SMIM1: variants seen among roughly 807,000 people sequenced by gnomAD.
The protein encoded by SMIM1 is small integral membrane protein 1 (Vel blood group).
A neutral mutation model predicts 7.7 loss-of-function variants in SMIM1; 7 were observed. The observed-to-expected ratio is 0.91, with a 90% CI of 0.52 to 1.71. SMIM1 has a LOEUF of 1.71. Ranked by LOEUF, SMIM1 falls within the 40% of genes most tolerant of loss-of-function variation. The pLI is 0.00. For missense variants in SMIM1, 95 were observed against 102.8 expected (o/e 0.92, Z 0.33); for synonymous variants, 41 against 42.7 (o/e 0.96, Z 0.16).
chr1:3,774,868 C>T (rs1377082868), intron 2 of SMIM1, among the ~76,000 whole-genome samples: 2 of 141,212 alleles, frequency 1.4e-5, no homozygotes, highest in Non-Finnish European at 3.2e-5. Context: ...TGCCCTGCCC[C>T]ACCCCCCCCT....
chr1:3,775,925 C>G lies in SMIM1; in HGVS notation c.*4C>G, dbSNP rs1164897649. 6 of 1,548,526 alleles carry G rather than the reference C, an allele frequency of 3.9e-6. No individual in the cohort carries two copies. In the South Asian group the frequency reaches 7.1e-5, roughly 18 times the overall value. Reference sequence around the variant, plus strand: ...CTATGTGCACAAGTGCAAATAAATGCTGCCCCGCATGCACGCGGGGGGCTG... The same window carrying G: ...CTATGTGCACAAGTGCAAATAAATGGTGCCCCGCATGCACGCGGGGGGCTG... On this transcript the variant is annotated 3_prime_UTR_variant, in exon 4 of 4. Transcript: ENST00000642557. The surrounding 1 kb of genome is among the most constrained non-coding windows in gnomAD (Gnocchi z 5.3).
chr1:3,775,559 C>A lies in SMIM1; in HGVS notation c.110+76C>A. 3 of 1,364,782 alleles carry A rather than the reference C, an allele frequency of 2.2e-6. No homozygotes were observed. The highest frequency in any genetic ancestry group is 3.0e-6 in the Non-Finnish European group (3 of 1,000,730). 84.5% of individuals were successfully genotyped at this position (1,364,782 alleles called of 1,614,324 possible). On this transcript the variant is annotated intron_variant, in intron 3 of 3. Transcript: ENST00000642557. The surrounding 1 kb of genome is among the most constrained non-coding windows in gnomAD (Gnocchi z 5.3). ...CCAGAGACGCCTGCCCTAACCCCTG[C>A]TACCGGCCCCATCACCCTCCACCCC... is the stretch of plus-strand genomic sequence containing the variant.
At position 3,775,172 on chromosome 1, in the gene SMIM1, C is replaced by G. The variant is rs1040876316; in HGVS notation, c.-75-127C>G. On this transcript the variant is annotated intron_variant, in intron 2 of 3. Transcript: ENST00000642557. This position sits in a 1 kb window ranked among gnomAD's most constrained non-coding sequence, Gnocchi z 5.3. Reference sequence around the variant, plus strand: ...GGCAAATGACTCTACCACTTTGTGTCTAGGTCACCTGTTAAGTCAGGCGAC... The same window carrying G: ...GGCAAATGACTCTACCACTTTGTGTGTAGGTCACCTGTTAAGTCAGGCGAC... The G allele has an allele frequency of 1.6e-5, 8 of 512,816 alleles. No individual in the cohort carries two copies. Among genetic ancestry groups the G allele is most frequent in the African/African-American group, 1.5e-4 (8 of 51,982 alleles). 31.8% of individuals were successfully genotyped at this position (512,816 alleles called of 1,614,324 possible).
intron 2 of SMIM1, among the ~76,000 whole-genome samples, chr1:3,773,888 C>T (rs1418678234): frequency 3.9e-5 from 6 of 152,214 alleles, no homozygotes; most frequent in Admixed American, 2.6e-4. Flanking sequence ...CCACATGCTC[C>T]GGGAAAACAG....
rs771635478 is a variant in SMIM1, at chr1:3,775,338, G to A, written c.-36G>A. On this transcript the variant is annotated 5_prime_UTR_variant, in exon 3 of 4. Transcript: ENST00000642557. This position sits in a 1 kb window ranked among gnomAD's most constrained non-coding sequence, Gnocchi z 5.3. ...GGCCACCTGTCTTGATCTCCCCACC[G>A]AGAAGGCCCCGCCCCTCCCGCTGCA... 1.7e-4 allele frequency: 262 copies of A among 1,511,830 alleles called. No individual in the cohort carries two copies. The highest frequency in any genetic ancestry group is 3.0e-4 in the East Asian group (12 of 40,568). The allele number at this position is 1,511,830 out of a possible 1,614,324, so 93.7% of individuals were successfully genotyped here. A position where few individuals can be genotyped will look rare whatever the true frequency, so the allele number is the denominator to read the frequency against.
rs1182690110 is a variant in SMIM1 at position 3,775,836 on chromosome 1, T to A, written c.152T>A (p.Met51Lys). The A allele has an allele frequency of 5.2e-6, 8 of 1,550,838 alleles. No individual in the cohort carries two copies. Among genetic ancestry groups the A allele is most frequent in the Non-Finnish European group, 7.0e-6 (8 of 1,146,924 alleles). The change falls in exon 4 of 4, where the codon ATG becomes AAG. Residue 51 changes from methionine to lysine, a missense_variant. Physicochemically the swap from Met to Lys is moderately conservative, Grantham distance 95 (BLOSUM62 -1). Coordinates refer to ENST00000642557, the MANE Select transcript of SMIM1 (RefSeq NM_001288583.2). This position sits in a 1 kb window ranked among gnomAD's most constrained non-coding sequence, Gnocchi z 5.3. ...TGCACGGGCAAGCTGGGCATCGCCATGAAGGTGCTGGGCGGCGTGGCCCTC... is the reference window on the plus strand; with the variant it reads ...TGCACGGGCAAGCTGGGCATCGCCAAGAAGGTGCTGGGCGGCGTGGCCCTC... ...RLCTGKLGIA[M>K]KVLGGVALFW...
intron 2 of SMIM1, among the ~76,000 whole-genome samples, chr1:3,774,856 G>A (rs1643433227): frequency 6.9e-6 from 1 of 145,794 alleles, no homozygotes; most frequent in Non-Finnish European, 1.5e-5. Flanking sequence ...CCCCGGACCT[G>A]CTGCCCTGCC....
chr1:3,774,133 A>G (rs948631301), intron 2 of SMIM1, among the ~76,000 whole-genome samples: 2 of 151,964 alleles, frequency 1.3e-5, no homozygotes, highest in Admixed American at 6.5e-5. Flanking sequence ...CTCTGTGCCG[A>G]TGACCTGGGA....
At chr1:3,774,269 G>T (rs1643424474) in intron 2 of SMIM1, among the ~76,000 whole-genome samples, 1 of 152,120 alleles carries the variant, frequency 6.6e-6, no homozygotes, top group African/African-American at 2.4e-5. Flanking sequence ...GACACTGGGG[G>T]CCCAGCAGAC....
intron 2 of SMIM1, among the ~76,000 whole-genome samples, chr1:3,774,285 A>T (rs148239450): frequency 1.4e-3 from 214 of 152,218 alleles, no homozygotes; most frequent in African/African-American, 4.8e-3. Flanking sequence ...CAGACCAGAG[A>T]GCTGACCCCA....
At position 3,775,663 on chromosome 1, in the gene SMIM1, G is replaced by A. The variant is rs1315504403; in HGVS notation, c.111-132G>A. The A allele has an allele frequency of 7.3e-7, 1 of 1,378,358 alleles. No individual in the cohort carries two copies. Among genetic ancestry groups the A allele is most frequent in the Non-Finnish European group, 9.6e-7 (1 of 1,040,116 alleles). The allele number at this position is 1,378,358 out of a possible 1,614,324, so 85.4% of individuals were successfully genotyped here. On this transcript the variant is annotated intron_variant, in intron 3 of 3. Transcript: ENST00000642557. This position sits in a 1 kb window ranked among gnomAD's most constrained non-coding sequence, Gnocchi z 5.3. ...TTCCCTCTGGTTGGCTGTGGGCGGGGAGAGCTTCCTCTTGACTCCAGCAGA... is the reference window on the plus strand; with the variant it reads ...TTCCCTCTGGTTGGCTGTGGGCGGGAAGAGCTTCCTCTTGACTCCAGCAGA...
rs1476949268 is a variant in SMIM1, at chr1:3,775,456, G to T, written c.83G>T (p.Ser28Ile). The part of the protein sequence containing the change: ...RDGVSLGAVS[S>I]TEEASRCRRI... ...GGAGTCAGCCTAGGGGCTGTGTCCA[G>T]CACAGAAGAGGCCTCACGCTGCCGC... Residue 28 changes from serine to isoleucine, a missense_variant, in exon 3 of 4, where the codon AGC (serine) becomes ATC (isoleucine). By Grantham distance (142) the Ser-to-Ile change is moderately radical. Coordinates refer to ENST00000642557, the MANE Select transcript of SMIM1 (RefSeq NM_001288583.2). This position sits in a 1 kb window ranked among gnomAD's most constrained non-coding sequence, Gnocchi z 5.3. 2 of 1,550,180 alleles carry T rather than the reference G, an allele frequency of 1.3e-6. No homozygotes were observed. The highest frequency in any genetic ancestry group is 1.7e-6 in the Non-Finnish European group (2 of 1,146,784).
Position 3,775,912 on chromosome 1 carries a change from G to C in SMIM1, c.228G>C (p.Lys76Asn). Residue 76 changes from lysine to asparagine, a missense_variant, in exon 4 of 4, where the codon AAG (lysine) becomes AAC (asparagine). By Grantham distance (94) the Lys-to-Asn change is moderately conservative. Transcript: ENST00000642557. The surrounding 1 kb of genome is among the most constrained non-coding windows in gnomAD (Gnocchi z 5.3). ...LGYLTGYYVHKCK is the reference protein window; with the variant it reads ...LGYLTGYYVHNCK Reference sequence around the variant, plus strand: ...ACCTCACAGGCTACTATGTGCACAAGTGCAAATAAATGCTGCCCCGCATGC... The same window carrying C: ...ACCTCACAGGCTACTATGTGCACAACTGCAAATAAATGCTGCCCCGCATGC... 1.3e-6 allele frequency: 2 copies of C among 1,549,878 alleles called. No individual in the cohort carries two copies. Among genetic ancestry groups the C allele is most frequent in the Non-Finnish European group, 1.7e-6 (2 of 1,146,888 alleles).
chr1:3,772,961 C>T (rs575845406), intron 1 of SMIM1, 102 bp from the exon 2 acceptor site: 1 of 152,332 alleles, frequency 6.6e-6, no homozygotes, highest in Non-Finnish European at 1.5e-5. Flanking sequence ...CGCCCGGCTC[C>T]TTGCCCGGCT....
chr1:3,774,161 C>G (rs555971910), intron 2 of SMIM1, among the ~76,000 whole-genome samples: 57 of 152,208 alleles, frequency 3.7e-4, no homozygotes, highest in African/African-American at 1.3e-3. Context: ...CAGCCTTCCC[C>G]GCTGGAGGGG....
At chr1:3,773,926 T>A (rs1643420094) in intron 2 of SMIM1, among the ~76,000 whole-genome samples, 1 of 152,174 alleles carries the variant, frequency 6.6e-6, no homozygotes, top group Admixed American at 6.5e-5. Context: ...AGGCTGGGCC[T>A]CTCCGGGCCT....
chr1:3,775,850 G>A lies in SMIM1; in HGVS notation c.166G>A (p.Gly56Ser), dbSNP rs543695662. ...KLGIAMKVLG[G>S]VALFWIIFIL... Reference sequence around the variant, plus strand: ...GGGCATCGCCATGAAGGTGCTGGGCGGCGTGGCCCTCTTCTGGATCATCTT... The same window carrying A: ...GGGCATCGCCATGAAGGTGCTGGGCAGCGTGGCCCTCTTCTGGATCATCTT... Residue 56 changes from glycine to serine, a missense_variant, in exon 4 of 4, where the codon GGC becomes AGC. Transcript: ENST00000642557. The surrounding 1 kb of genome is among the most constrained non-coding windows in gnomAD (Gnocchi z 5.3). 22 of 1,550,980 alleles carry A rather than the reference G, an allele frequency of 1.4e-5. No homozygotes were observed. The highest frequency in any genetic ancestry group is 1.1e-4 in the African/African-American group (8 of 73,186).
At position 3,775,625 on chromosome 1, in the gene SMIM1, G is replaced by A. The variant is rs1255807167; in HGVS notation, c.110+142G>A. On this transcript the variant is annotated intron_variant, in intron 3 of 3. Coordinates refer to ENST00000642557, the MANE Select transcript of SMIM1 (RefSeq NM_001288583.2). This position sits in a 1 kb window ranked among gnomAD's most constrained non-coding sequence, Gnocchi z 5.3. ...CCACGGTCCAGCAGCTCAGCAAACC[G>A]CAGCCTTTGGCCTTCCCTCTGGTTG... The A allele has an allele frequency of 9.3e-6, 12 of 1,283,706 alleles. No individual in the cohort carries two copies. In the East Asian group the frequency reaches 1.0e-4, roughly 11 times the overall value. The allele number at this position is 1,283,706 out of a possible 1,614,324, so 79.5% of individuals were successfully genotyped here.
Position 3,775,939 on chromosome 1 carries a change from C to A in SMIM1, c.*18C>A, listed in dbSNP as rs61759304. On this transcript the variant is annotated 3_prime_UTR_variant, in exon 4 of 4. Transcript: ENST00000642557. The surrounding 1 kb of genome is among the most constrained non-coding windows in gnomAD (Gnocchi z 5.3). ...GCAAATAAATGCTGCCCCGCATGCA[C>A]GCGGGGGGCTGGCCGCACACGTGAG... The A allele has an allele frequency of 7.1e-6, 11 of 1,545,470 alleles. No individual in the cohort carries two copies. Among genetic ancestry groups the A allele is most frequent in the Non-Finnish European group, 9.6e-6 (11 of 1,146,144 alleles).
Sources: allele counts gnomAD v4.1 joint callset (sites outside exome capture counted in the v4.1 genomes callset), GRCh38; gene constraint gnomAD v4.1.1; non-coding constraint Gnocchi (gnomAD v3.1); transcripts MANE v1.5; gene names NCBI Gene and HGNC (gene_info 2026-07-23, HGNC 2026-07-21).